Variants in C5orf58 observed in about 807,000 individuals in gnomAD.
C5orf58 encodes the protein chromosome 5 open reading frame 58.
A neutral mutation model predicts 2.9 loss-of-function variants in C5orf58; 2 were observed. The observed-to-expected ratio is 0.69, with a 90% CI of 0.28 to 2.18. The LOEUF (loss-of-function observed/expected upper bound fraction) is 2.18. Ranked by LOEUF, C5orf58 falls within the 30% of genes most tolerant of loss-of-function variation. The pLI, the probability that C5orf58 is intolerant of heterozygous loss-of-function variation, is 0.13. For synonymous variants in C5orf58, 37 were observed against 33.4 expected (o/e 1.11, Z -0.37); for missense variants, 96 against 91.7 (o/e 1.05, Z -0.19).
intron 3 of C5orf58, among the ~76,000 whole-genome samples, chr5:170,244,684 A>G (rs924696648): frequency 6.6e-6 from 1 of 151,182 alleles, no homozygotes; most frequent in South Asian, 2.1e-4. Context: ...ATTCTTCTAA[A>G]TTTTTTTCAA....
intron 2 of C5orf58, among the ~76,000 whole-genome samples, chr5:170,234,731 T>A (rs1356181516): frequency 6.6e-6 from 1 of 152,216 alleles, no homozygotes; most frequent in African/African-American, 2.4e-5. Flanking sequence ...GTAAGCCCTA[T>A]CTTGTGGATA....
intron 3 of C5orf58, among the ~76,000 whole-genome samples, chr5:170,239,716 T>C (rs1184707302): frequency 6.6e-6 from 1 of 152,220 alleles, no homozygotes; most frequent in Non-Finnish European, 1.5e-5. Context: ...GAAGTTGGGC[T>C]AAAGAGCACC....
downstream of C5orf58, chr5:170,247,495 G>A (rs1001855076): frequency 6.6e-6 from 1 of 151,670 alleles, no homozygotes; most frequent in South Asian, 2.1e-4. Flanking sequence ...GCCAAAAATT[G>A]TTGCTAATAA....
chr5:170,233,384 T>A (rs536517855), intron 1 of C5orf58: 1 of 152,386 alleles, frequency 6.6e-6, no homozygotes, highest in South Asian at 2.1e-4. Flanking sequence ...AGCGGGTGGT[T>A]GGGCCGCTCA....
intron 1 of C5orf58, chr5:170,233,864 TGGAGAGA>T: frequency 2.9e-6 from 1 of 342,424 alleles, no homozygotes; most frequent in Non-Finnish European, 5.7e-6. Context: ...AGAACCAGAG[TGGAGAGA>T]GGCCACTGTC....
At chr5:170,240,140 G>A (rs1360751990) in intron 3 of C5orf58, among the ~76,000 whole-genome samples, 2 of 150,888 alleles carry the variant, frequency 1.3e-5, no homozygotes, top group Non-Finnish European at 3.0e-5. Flanking sequence ...ATTCCATGGT[G>A]TATATGTGCC....
chr5:170,245,697 G>T (rs542440514), intron 3 of C5orf58, among the ~76,000 whole-genome samples: 1 of 152,166 alleles, frequency 6.6e-6, no homozygotes, highest in Non-Finnish European at 1.5e-5. Context: ...AGATGAACCC[G>T]GTACCTCAGA....
chr5:170,249,326 C>T (rs575622727), downstream of C5orf58, among the ~76,000 whole-genome samples: 1 of 146,826 alleles, frequency 6.8e-6, no homozygotes, highest in South Asian at 2.1e-4. Flanking sequence ...GAAACTCCAT[C>T]TCAAAAAAAA....
intron 3 of C5orf58, among the ~76,000 whole-genome samples, chr5:170,238,651 T>A (rs1760842939): frequency 6.6e-6 from 1 of 152,194 alleles, no homozygotes; most frequent in Non-Finnish European, 1.5e-5. Flanking sequence ...TTGTGAAATT[T>A]CAGTCTACTG....
At chr5:170,236,875 T>C (rs1387072683) in intron 3 of C5orf58, among the ~76,000 whole-genome samples, 1 of 152,248 alleles carries the variant, frequency 6.6e-6, no homozygotes, top group East Asian at 1.9e-4. Flanking sequence ...TATACTATTT[T>C]ATAATTGCAT....
chr5:170,251,548 A>T (rs1160262548), intron 2 of C5orf58: 3 of 422,150 alleles, frequency 7.1e-6, no homozygotes, highest in African/African-American at 6.1e-5. Context: ...ATTGGTAAGG[A>T]CTCCTTTAAA....
intron 3 of C5orf58, among the ~76,000 whole-genome samples, chr5:170,245,478 C>T (rs569410762): frequency 9.2e-5 from 14 of 152,294 alleles, no homozygotes; most frequent in East Asian, 1.9e-4. Flanking sequence ...TCTCGTGGTG[C>T]GCCGTTTTTT....
chr5:170,233,161 C>T (rs1437481341), intron 1 of C5orf58, 154 bp downstream of exon 1: 3 of 176,190 alleles, frequency 1.7e-5, no homozygotes, highest in African/African-American at 4.8e-5. Flanking sequence ...CCCTGGGTGT[C>T]GGTTGGGCCG....
chr5:170,237,552 A>G (rs1401142036), intron 3 of C5orf58, among the ~76,000 whole-genome samples: 2 of 152,208 alleles, frequency 1.3e-5, no homozygotes, highest in East Asian at 1.9e-4. Context: ...AGAAGCAAAT[A>G]GACAAGTCTG....
chr5:170,248,827 A>G, downstream of C5orf58: 3 of 1,611,790 alleles, frequency 1.9e-6, no homozygotes, highest in Non-Finnish European at 2.5e-6. Context: ...GTCCTGAAAG[A>G]GTCAAGATAG....
chr5:170,248,701 G>T, downstream of C5orf58: 1 of 1,611,982 alleles, frequency 6.2e-7, no homozygotes, highest in South Asian at 1.1e-5. Context: ...AACTTGCTAT[G>T]GGTACCCTGC....
intron 3 of C5orf58, among the ~76,000 whole-genome samples, chr5:170,238,768 T>C (rs1384479286): frequency 1.3e-5 from 2 of 152,218 alleles, no homozygotes; most frequent in African/African-American, 4.8e-5. Context: ...GCAGTGCCTT[T>C]GGAAATCTGA....
chr5:170,242,402 T>C lies in C5orf58; in HGVS notation c.95-3560T>C, dbSNP rs1287698927. ...GGTAGAATTCGGCTGTGAATCCATC[T>C]GGTCCTGGACTCTTTTTGGTTGGTA... On this transcript the variant is annotated intron_variant, in intron 3 of 3. Transcript: ENST00000593851. Among the ~76,000 whole-genome samples the C allele has an allele frequency of 3.0e-4, 36 of 120,448 alleles. 1 individual carries two copies. Among genetic ancestry groups the C allele is most frequent in the Middle Eastern group, 7.6e-3 (2 of 262 alleles). 79.0% of individuals were successfully genotyped at this position (120,448 alleles called of 152,430 possible). A position where few individuals can be genotyped will look rare whatever the true frequency, so the allele number is the denominator to read the frequency against.
chr5:170,248,896 C>CA, downstream of C5orf58: 1 of 1,413,234 alleles, frequency 7.1e-7, no homozygotes, highest in South Asian at 1.2e-5. Flanking sequence ...TTTTTATCTG[C>CA]ATAATATATG....
Sources: gnomAD v4.1 joint callset for allele counts (sites outside exome capture counted in the v4.1 genomes callset) on GRCh38, gnomAD v4.1.1 for gene constraint, MANE v1.5 for transcripts, NCBI Gene and HGNC (gene_info 2026-07-23, HGNC 2026-07-21) for gene names.